The following ASCL5 variants were observed in gnomAD, a reference collection of about 807,000 sequenced individuals.
The protein encoded by ASCL5 is achaete-scute homolog 5.
For synonymous variants in ASCL5, 124 were observed against 131.5 expected (o/e 0.94, Z 0.39); for missense variants, 262 against 268.9 (o/e 0.97, Z 0.18).
At chr1:201,124,311 G>A (rs1476233976) in intron 1 of ASCL5, among the ~76,000 whole-genome samples, 1 of 152,154 alleles carries the variant, frequency 6.6e-6, no homozygotes, top group Non-Finnish European at 1.5e-5. Context: ...GGGGTTGAGG[G>A]GTGGGTACCA....
chr1:201,118,840 G>C (rs1663398995), intron 1 of ASCL5, among the ~76,000 whole-genome samples: 1 of 152,166 alleles, frequency 6.6e-6, no homozygotes, highest in Non-Finnish European at 1.5e-5. Context: ...TGAGAGGTAG[G>C]TGCTAATATT....
chr1:201,115,683 C>G lies in ASCL5; in HGVS notation c.-311G>C, dbSNP rs113895160. ...CCCATGGGCATGGCCACAGACCCGC[C>G]CACCCTGCCTCTTGCTGCCACCCAA... On this transcript the variant is annotated 5_prime_UTR_variant, in exon 2 of 2. Coordinates refer to ENST00000449188, the MANE Select transcript of ASCL5 (RefSeq NM_001270601.2). 742 of 209,464 alleles carry G rather than the reference C, an allele frequency of 3.5e-3. 3 individuals carry two copies. Among genetic ancestry groups the G allele is most frequent in the African/African-American group, 0.016 (696 of 43,752 alleles). The allele number at this position is 209,464 out of a possible 1,614,324, so 13.0% of individuals were successfully genotyped here. A position where few individuals can be genotyped will look rare whatever the true frequency, so the allele number is the denominator to read the frequency against.
chr1:201,119,111 C>T (rs1452785321), intron 1 of ASCL5, among the ~76,000 whole-genome samples: 2 of 152,184 alleles, frequency 1.3e-5, no homozygotes, highest in South Asian at 2.1e-4. Context: ...GGGGATGTCC[C>T]GCTGAAGATT....
chr1:201,114,871 G>C lies in ASCL5; in HGVS notation c.502C>G (p.Arg168Gly). 1 of 1,228,016 alleles carries C rather than the reference G, an allele frequency of 8.1e-7. No homozygotes were observed. Among genetic ancestry groups the C allele is most frequent in the Non-Finnish European group, 1.0e-6 (1 of 985,506 alleles). The allele number at this position is 1,228,016 out of a possible 1,614,324, so 76.1% of individuals were successfully genotyped here. Residue 168 changes from arginine (R) to glycine (G), a missense_variant, in exon 2 of 2, where the codon CGT (arginine) becomes GGT (glycine). Physicochemically the swap from Arg to Gly is moderately radical, Grantham distance 125 (BLOSUM62 -2). Coordinates refer to ENST00000449188, the MANE Select transcript of ASCL5 (RefSeq NM_001270601.2). ...GPCPAPPATP[R>G]PDRPGDGEAR... Reference sequence around the variant, plus strand: ...TCGCCGTCGCCAGGGCGGTCGGGACGGGGGGTGGCGGGCGGCGCGGGGCAG... The same window carrying C: ...TCGCCGTCGCCAGGGCGGTCGGGACCGGGGGTGGCGGGCGGCGCGGGGCAG...
Position 201,114,465 on chromosome 1 carries a change from T to A in ASCL5, c.*287A>T. 3.5e-6 allele frequency: 1 copy of A among 283,220 alleles called. No individual in the cohort carries two copies. The allele number at this position is 283,220 out of a possible 1,614,324, so 17.5% of individuals were successfully genotyped here. On this transcript the variant is annotated 3_prime_UTR_variant, in exon 2 of 2. Transcript: ENST00000449188. ...AGGGATGACCGTCCTGGGGAGCCCC[T>A]CTGCACCCCGGAGGGGACGCAGGAC...
intron 1 of ASCL5, among the ~76,000 whole-genome samples, chr1:201,117,670 T>A (rs894400140): frequency 8.5e-5 from 13 of 152,198 alleles, no homozygotes; most frequent in Admixed American, 6.5e-4. Flanking sequence ...ATCTCTCTGC[T>A]TTACCCAGAG....
chr1:201,126,007 C>T (rs754157339), intron 1 of ASCL5, among the ~76,000 whole-genome samples: 12 of 152,198 alleles, frequency 7.9e-5, no homozygotes, highest in Non-Finnish European at 1.5e-4. Flanking sequence ...GGAGGAAATG[C>T]TGTGTTCTAA....
intron 1 of ASCL5, among the ~76,000 whole-genome samples, chr1:201,125,058 C>A (rs1663554873): frequency 6.6e-6 from 1 of 152,272 alleles, no homozygotes; most frequent in Non-Finnish European, 1.5e-5. Context: ...CGACCAGGGA[C>A]TCTGGAGCCA....
intron 1 of ASCL5, among the ~76,000 whole-genome samples, chr1:201,120,330 G>A (rs1663426637): frequency 6.6e-6 from 1 of 152,084 alleles, no homozygotes; most frequent in South Asian, 2.1e-4. Flanking sequence ...CCACACCCCT[G>A]GGGATGGCAC....
chr1:201,115,270 G>C lies in ASCL5; in HGVS notation c.103C>G (p.Pro35Ala). The change falls in exon 2 of 2, where the codon CCC (proline) becomes GCC (alanine). Residue 35 changes from proline (P) to alanine (A), a missense_variant. Pro to Ala is a conservative substitution (Grantham distance 27). Coordinates refer to ENST00000449188, the MANE Select transcript of ASCL5 (RefSeq NM_001270601.2). ...ACGTTGCCCAGGGGCTCGGCGGGGG[G>C]CAGGGGCGCCTGCCGGGGAGGGGGC... ...VMPPPRQAPL[P>A]PAEPLGNVPF... 3.2e-6 allele frequency: 4 copies of C among 1,231,380 alleles called. No homozygotes were observed. Among genetic ancestry groups the C allele is most frequent in the Non-Finnish European group, 4.0e-6 (4 of 987,724 alleles). The allele number at this position is 1,231,380 out of a possible 1,614,324, so 76.3% of individuals were successfully genotyped here.
Position 201,114,334 on chromosome 1 carries a change from G to A in ASCL5, c.*418C>T, listed in dbSNP as rs1011543928. On this transcript the variant is annotated 3_prime_UTR_variant, in exon 2 of 2. Transcript: ENST00000449188. ...TGGAGAGCAGTGGCATGGTAACCGA[G>A]GGCTCAAAGTCGGGCTCGCATCCCG... 1.2e-5 allele frequency: 2 copies of A among 162,030 alleles called. No homozygotes were observed. Among genetic ancestry groups the A allele is most frequent in the African/African-American group, 4.8e-5 (2 of 41,950 alleles). 10.0% of individuals were successfully genotyped at this position (162,030 alleles called of 1,614,324 possible).
chr1:201,120,777 C>A (rs911188996), intron 1 of ASCL5, among the ~76,000 whole-genome samples: 4 of 152,196 alleles, frequency 2.6e-5, no homozygotes, highest in Non-Finnish European at 5.9e-5. Flanking sequence ...AACAGGGAAC[C>A]CATGGCTCTG....
In ASCL5 at chr1:201,114,958, G is replaced by T. The variant is rs1309245640; in HGVS notation, c.415C>A (p.Leu139Met). 6 of 1,231,296 alleles carry T rather than the reference G, an allele frequency of 4.9e-6. No individual in the cohort carries two copies. In the African/African-American group the frequency reaches 7.8e-5, roughly 16 times the overall value. 76.3% of individuals were successfully genotyped at this position (1,231,296 alleles called of 1,614,324 possible). A position where few individuals can be genotyped will look rare whatever the true frequency, so the allele number is the denominator to read the frequency against. ...IRYIKYLQEL[L>M]SSAPDGSTPP... ...GTCGAGCCGTCGGGGGCCGAGCTCA[G>T]CAGCTCTTGCAGGTACTTTATGTAG... The change falls in exon 2 of 2, where the codon CTG becomes ATG. Residue 139 changes from leucine to methionine, a missense_variant. By Grantham distance (15) the Leu-to-Met change is conservative (BLOSUM62 2). Transcript: ENST00000449188.
At position 201,115,419 on chromosome 1, in the gene ASCL5, C is replaced by G. The variant is rs1009525781; in HGVS notation, c.-47G>C. The G allele has an allele frequency of 3.3e-5, 40 of 1,230,732 alleles. No individual in the cohort carries two copies. Among genetic ancestry groups the G allele is most frequent in the Non-Finnish European group, 3.8e-5 (38 of 987,160 alleles). The allele number at this position is 1,230,732 out of a possible 1,614,324, so 76.2% of individuals were successfully genotyped here. A position where few individuals can be genotyped will look rare whatever the true frequency, so the allele number is the denominator to read the frequency against. ...CAGAGCGAGGCCTCCACCGAATGGC[C>G]CCGGCTTGGGGTCTGCACCGTCTCC... On this transcript the variant is annotated 5_prime_UTR_variant, in exon 2 of 2. Coordinates refer to ENST00000449188, the MANE Select transcript of ASCL5 (RefSeq NM_001270601.2).
At chr1:201,125,816 C>T (rs1380062950) in intron 1 of ASCL5, among the ~76,000 whole-genome samples, 2 of 152,174 alleles carry the variant, frequency 1.3e-5, no homozygotes, top group Admixed American at 6.5e-5. Context: ...ATTGAATGGG[C>T]ACAGGTGAGT....
At chr1:201,118,191 A>G (rs1663382317) in intron 1 of ASCL5, among the ~76,000 whole-genome samples, 1 of 152,228 alleles carries the variant, frequency 6.6e-6, no homozygotes, top group African/African-American at 2.4e-5. Flanking sequence ...TTAGAAAAGA[A>G]CTGATAAGCC....
intron 1 of ASCL5, among the ~76,000 whole-genome samples, chr1:201,118,778 C>G (rs180973423): frequency 0.044 from 6,632 of 152,100 alleles, 489 homozygotes; most frequent in African/African-American, 0.15. Flanking sequence ...TGTGCAAGAC[C>G]TCATGCTAAG....
chr1:201,121,453 C>T (rs1287238357), intron 1 of ASCL5, among the ~76,000 whole-genome samples: 2 of 152,160 alleles, frequency 1.3e-5, no homozygotes, highest in African/African-American at 4.8e-5. Context: ...AAGTCTTACT[C>T]ACCGCTACAT....
rs1040382092 is a variant in ASCL5, at chr1:201,114,504, C to A, written c.*248G>T. 2.9e-6 allele frequency: 1 copy of A among 341,574 alleles called. No homozygotes were observed. The allele number at this position is 341,574 out of a possible 1,614,324, so 21.2% of individuals were successfully genotyped here. A position where few individuals can be genotyped will look rare whatever the true frequency, so the allele number is the denominator to read the frequency against. On this transcript the variant is annotated 3_prime_UTR_variant, in exon 2 of 2. Transcript: ENST00000449188. Reference sequence around the variant, plus strand: ...GGGACGCAGGACGCCCGGAGCAGTCCCAGGCCCTGCCCCTCGCTTCACCCA... The same window carrying A: ...GGGACGCAGGACGCCCGGAGCAGTCACAGGCCCTGCCCCTCGCTTCACCCA...
Sources: allele counts gnomAD v4.1 joint callset (sites outside exome capture counted in the v4.1 genomes callset), GRCh38; gene constraint gnomAD v4.1.1; transcripts MANE v1.5; gene names NCBI Gene and HGNC (gene_info 2026-07-23, HGNC 2026-07-21).